Variants in CNBD1 observed in about 807,000 individuals in gnomAD.
CNBD1 encodes the protein cyclic nucleotide-binding domain-containing protein 1.
Under a neutral mutation model 54.4 loss-of-function variants are expected in CNBD1, and 71 were observed. The observed-to-expected ratio is 1.30, with a 90% CI of 1.08 to 1.59. CNBD1 has a LOEUF of 1.59. CNBD1 is among the 40% of genes most tolerant of loss of function. The pLI is 0.00. For missense variants in CNBD1, 659 were observed against 518.0 expected, an observed-to-expected ratio of 1.27 and a Z score of -2.64; for synonymous variants, 182 against 170.7, an observed-to-expected ratio of 1.07 and a Z score of -0.51.
intron 8 of CNBD1, among the ~76,000 whole-genome samples, chr8:87,296,909 C>T (rs1038878193): frequency 6.6e-6 from 1 of 152,024 alleles, no homozygotes; most frequent in Non-Finnish European, 1.5e-5. Flanking sequence ...AGCGTGGTGG[C>T]TCACGCCTGT....
At chr8:87,294,268 T>C (rs1808835774) in intron 8 of CNBD1, among the ~76,000 whole-genome samples, 1 of 152,226 alleles carries the variant, frequency 6.6e-6, no homozygotes, top group South Asian at 2.1e-4. Flanking sequence ...TTGTATAGAA[T>C]AGATCTTTTC....
At chr8:87,076,907 T>A (rs1309985326) in intron 4 of CNBD1, among the ~76,000 whole-genome samples, 1 of 152,260 alleles carries the variant, frequency 6.6e-6, no homozygotes, top group African/African-American at 2.4e-5. Context: ...TCCAAGACTG[T>A]CTTGCATCAT....
intron 8 of CNBD1, among the ~76,000 whole-genome samples, chr8:87,304,870 C>T (rs979168181): frequency 6.6e-6 from 1 of 152,038 alleles, no homozygotes; most frequent in African/African-American, 2.4e-5. Context: ...GATGCCCACT[C>T]CCACCACTCC....
chr8:87,072,778 ATG>A (rs1180860606), intron 4 of CNBD1, among the ~76,000 whole-genome samples: 1 of 149,784 alleles, frequency 6.7e-6, no homozygotes, highest in East Asian at 2.0e-4. Flanking sequence ...CCTGATGATT[ATG>A]TGTCTTGGGG....
chr8:87,337,763 G>C (rs531880263), intron 8 of CNBD1, among the ~76,000 whole-genome samples: 1 of 152,206 alleles, frequency 6.6e-6, no homozygotes, highest in Non-Finnish European at 1.5e-5. Flanking sequence ...GCACCACAGT[G>C]TTCTTTCTTC....
At chr8:87,366,884 A>G (rs1476599444) in intron 10 of CNBD1, among the ~76,000 whole-genome samples, 1 of 152,184 alleles carries the variant, frequency 6.6e-6, no homozygotes, top group East Asian at 1.9e-4. Flanking sequence ...TTTTTTCACT[A>G]TGTGTTTGAC....
rs1370357005 is a variant in CNBD1 at position 87,134,706 on chromosome 8, C to T, written c.432-71287C>T. Among the ~76,000 whole-genome samples, 12 of 149,864 alleles carry T rather than the reference C, an allele frequency of 8.0e-5. 1 individual carries two copies. The highest frequency in any genetic ancestry group is 2.0e-4 in the Admixed American group (3 of 14,950). ...CAAGCTCCGCCTCCTGGGTTCACACCATTTTCCTGCCTCAGCCTCCCGAGT... is the reference window on the plus strand; with the variant it reads ...CAAGCTCCGCCTCCTGGGTTCACACTATTTTCCTGCCTCAGCCTCCCGAGT... On this transcript the variant is annotated intron_variant, in intron 4 of 10. Transcript: ENST00000518476.
chr8:87,368,714 A>G (rs1810696263), intron 10 of CNBD1, among the ~76,000 whole-genome samples: 1 of 151,918 alleles, frequency 6.6e-6, no homozygotes. Context: ...TAGCCAAAAG[A>G]GGGGTATTTG....
At chr8:87,316,618 A>G (rs957703524) in intron 8 of CNBD1, among the ~76,000 whole-genome samples, 10 of 151,964 alleles carry the variant, frequency 6.6e-5, no homozygotes, top group African/African-American at 2.2e-4. Flanking sequence ...AATTTCTATT[A>G]CACTTTTTTT....
At chr8:87,376,198 A>G (rs934325179) in intron 10 of CNBD1, among the ~76,000 whole-genome samples, 2 of 151,928 alleles carry the variant, frequency 1.3e-5, no homozygotes, top group African/African-American at 4.8e-5. Flanking sequence ...CTTAAACAAC[A>G]AACGTTTATT....
intron 2 of CNBD1, among the ~76,000 whole-genome samples, chr8:87,399,758 G>T (rs1283436191): frequency 1.3e-5 from 2 of 151,958 alleles, no homozygotes; most frequent in Non-Finnish European, 2.9e-5. Context: ...CAGCTTAGGT[G>T]CTGGTAGGAT....
At chr8:86,989,839 C>T (rs1053143196) in intron 4 of CNBD1, among the ~76,000 whole-genome samples, 3 of 152,158 alleles carry the variant, frequency 2.0e-5, no homozygotes, top group African/African-American at 7.2e-5. Flanking sequence ...TTCTCCACAT[C>T]CTTGCCAGCA....
chr8:86,887,502 T>A (rs896827602), intron 1 of CNBD1, 40 bp from the exon 2 acceptor site: 1 of 1,279,524 alleles, frequency 7.8e-7, no homozygotes, highest in Non-Finnish European at 1.1e-6. Context: ...TTAATAAGAT[T>A]ATGGAAAATT....
chr8:87,288,815 A>T (rs1467233054), intron 8 of CNBD1, among the ~76,000 whole-genome samples: 1 of 152,098 alleles, frequency 6.6e-6, no homozygotes, highest in African/African-American at 2.4e-5. Flanking sequence ...TGGTACTTTC[A>T]TAGTTTTAGA....
intron 4 of CNBD1, among the ~76,000 whole-genome samples, chr8:87,076,277 C>T: frequency 6.6e-6 from 1 of 152,142 alleles, no homozygotes; most frequent in South Asian, 2.1e-4. Flanking sequence ...TAATGGTAAT[C>T]ACAACCTATA....
chr8:87,413,264 TTTGCATA>T (rs1186947082), intron 2 of CNBD1, among the ~76,000 whole-genome samples: 3 of 152,236 alleles, frequency 2.0e-5, no homozygotes, highest in Non-Finnish European at 4.4e-5. Flanking sequence ...AACTTTCCCT[TTTGCATA>T]GTGAGTTTTG....
intron 5 of CNBD1, among the ~76,000 whole-genome samples, chr8:87,225,444 C>G (rs1194632277): frequency 6.6e-6 from 1 of 151,714 alleles, no homozygotes; most frequent in Non-Finnish European, 1.5e-5. Flanking sequence ...GAGTTTTTAG[C>G]ATGAAGGGTT....
intron 2 of CNBD1, among the ~76,000 whole-genome samples, 155 bp downstream of exon 2, chr8:86,887,766 C>T (rs758191083): frequency 6.6e-5 from 10 of 152,072 alleles, no homozygotes; most frequent in Non-Finnish European, 1.3e-4. Flanking sequence ...GTTATTTCTT[C>T]AGATTGAAGG....
intron 4 of CNBD1, among the ~76,000 whole-genome samples, chr8:87,002,156 C>G (rs1345965768): frequency 6.6e-6 from 1 of 152,068 alleles, no homozygotes; most frequent in Non-Finnish European, 1.5e-5. Context: ...AATAGGAATC[C>G]CAGCTGGGAA....
Sources: allele counts gnomAD v4.1 joint callset (sites outside exome capture counted in the v4.1 genomes callset), GRCh38; gene constraint gnomAD v4.1.1; transcripts MANE v1.5; gene names NCBI Gene and HGNC (gene_info 2026-07-23, HGNC 2026-07-21).